The following CUL1 variants were observed in gnomAD, a reference collection of about 807,000 sequenced individuals.
CUL1 encodes the protein cullin 1.
A neutral mutation model predicts 118.0 loss-of-function variants in CUL1; 24 were observed. That is an observed-to-expected ratio of 0.20 (90% confidence interval 0.15 to 0.29). The LOEUF is 0.29. Ranked by LOEUF, CUL1 falls within the 10% of genes least tolerant of loss-of-function variation. The pLI, the probability that CUL1 is intolerant of heterozygous loss-of-function variation, is 1.00. For missense variants in CUL1, 361 were observed against 933.8 expected (o/e 0.39, Z 7.99); for synonymous variants, 332 against 340.4 (o/e 0.98, Z 0.27).
chr7:148,793,189 A>G (rs918776576), intron 17 of CUL1, among the ~76,000 whole-genome samples: 2 of 152,156 alleles, frequency 1.3e-5, no homozygotes, highest in Admixed American at 6.5e-5. Context: ...ACACACACAC[A>G]TACTCCTCAT....
At chr7:148,726,002 C>T (rs546751771) in intron 1 of CUL1, among the ~76,000 whole-genome samples, 96 of 152,286 alleles carry the variant, frequency 6.3e-4, no homozygotes, top group African/African-American at 2.1e-3. Flanking sequence ...GCTAATTTTT[C>T]AGCATATTTG....
chr7:148,758,347 C>G (rs1799726863), intron 4 of CUL1, among the ~76,000 whole-genome samples: 1 of 152,218 alleles, frequency 6.6e-6, no homozygotes, highest in South Asian at 2.1e-4. Context: ...TTTGTAGCTT[C>G]ACTTTTGACA....
At chr7:148,725,325 T>A (rs898635007) in intron 1 of CUL1, among the ~76,000 whole-genome samples, 2 of 152,024 alleles carry the variant, frequency 1.3e-5, no homozygotes, top group African/African-American at 4.8e-5. Context: ...GATACACAGG[T>A]GACACACCCA....
In CUL1 at chr7:148,776,661, A is replaced by G. The variant is rs79477176; in HGVS notation, c.1084-7122A>G. On this transcript the variant is annotated intron_variant, in intron 9 of 21. Transcript: ENST00000325222. The stretch of plus-strand genomic sequence containing the variant: ...CCAACATACACCCTTCTTTCTCTTA[A>G]TTATAGGGAAGACTTTAATCATTTC... Among the ~76,000 whole-genome samples, 334 of 152,144 alleles carry G rather than the reference A, an allele frequency of 2.2e-3. 5 individuals carry two copies. The East Asian group carries it at 0.025, about 11-fold the overall frequency.
Position 148,767,764 on chromosome 7 carries a change from A to C in CUL1, c.1083+15A>C, listed in dbSNP as rs757746243. ...CTGCTTTAAATGTAAGTGAGATTTC[A>C]TTGAAAATCAGTCAGGCTGATTATT... On this transcript the variant is annotated intron_variant, in intron 9 of 21. Transcript: ENST00000325222. 4 of 1,611,064 alleles carry C rather than the reference A, an allele frequency of 2.5e-6. No individual in the cohort carries two copies. The highest frequency in any genetic ancestry group is 3.4e-6 in the Non-Finnish European group (4 of 1,178,892).
At chr7:148,771,497 G>A (rs185804162) in intron 9 of CUL1, among the ~76,000 whole-genome samples, 2 of 152,260 alleles carry the variant, frequency 1.3e-5, no homozygotes, top group Non-Finnish European at 2.9e-5. Context: ...CCTCAGTGAC[G>A]TGAAACTGAA....
intron 2 of CUL1, among the ~76,000 whole-genome samples, chr7:148,750,926 A>G (rs1222613939): frequency 1.3e-5 from 2 of 151,564 alleles, no homozygotes; most frequent in African/African-American, 4.8e-5. Context: ...TGCTATGATC[A>G]TGTCTGTGAA....
intron 2 of CUL1, among the ~76,000 whole-genome samples, chr7:148,750,821 G>A (rs1331258298): frequency 6.6e-6 from 1 of 152,070 alleles, no homozygotes; most frequent in African/African-American, 2.4e-5. Context: ...ATTATGCTAA[G>A]TCAAGCCAAT....
chr7:148,753,605 C>T (rs1563159647), intron 2 of CUL1, among the ~76,000 whole-genome samples: 1 of 152,146 alleles, frequency 6.6e-6, no homozygotes, highest in Non-Finnish European at 1.5e-5. Context: ...ATAGACAGTG[C>T]TTATTGTTAG....
intron 17 of CUL1, 80 bp downstream of exon 17, chr7:148,792,898 G>C: frequency 1.1e-6 from 1 of 941,306 alleles, no homozygotes; most frequent in Non-Finnish European, 1.6e-6. Flanking sequence ...AGATAAGGAA[G>C]AGGATATGGG....
rs1304841415 is a variant in CUL1 at position 148,790,411 on chromosome 7, T to G, written c.1776T>G (p.Thr592=). Residue 592 remains threonine, a synonymous_variant, in exon 16 of 22, where the codon ACT becomes ACG. Coordinates refer to ENST00000325222, the MANE Select transcript of CUL1 (RefSeq NM_003592.3). ...AGTTGTCTAAAGGAGAATTGGTAAC[T>G]AACTGCTTCAAAAACAGATATACTT... ...LYQLSKGELV[T]NCFKNRYTLQ... 1 of 1,614,010 alleles carries G rather than the reference T, an allele frequency of 6.2e-7. No individual in the cohort carries two copies. The highest frequency in any genetic ancestry group is 8.5e-7 in the Non-Finnish European group (1 of 1,179,822).
At chr7:148,777,377 G>A (rs6956384) in intron 9 of CUL1, among the ~76,000 whole-genome samples, 11,883 of 152,258 alleles carry the variant, frequency 0.078, 551 homozygotes, top group African/African-American at 0.12. Flanking sequence ...AAGGTTGGAC[G>A]TGGTGGCTCA....
At chr7:148,725,721 G>T (rs1006382937) in intron 1 of CUL1, among the ~76,000 whole-genome samples, 1 of 152,198 alleles carries the variant, frequency 6.6e-6, no homozygotes, top group African/African-American at 2.4e-5. Flanking sequence ...ACATTTTCAT[G>T]ATGTGCCTAC....
chr7:148,789,943 C>A, intron 15 of CUL1, 117 bp downstream of exon 15: 2 of 940,328 alleles, frequency 2.1e-6, no homozygotes, highest in South Asian at 1.4e-5. Flanking sequence ...GGCTGCATCA[C>A]GGTGAACCAT....
At chr7:148,772,290 C>G (rs190847003) in intron 9 of CUL1, among the ~76,000 whole-genome samples, 1 of 152,280 alleles carries the variant, frequency 6.6e-6, no homozygotes, top group East Asian at 1.9e-4. Flanking sequence ...TAGCAGGCAC[C>G]TGTAATCCCA....
chr7:148,800,439 C>G lies in CUL1; in HGVS notation c.2251-63C>G. 2 of 1,353,756 alleles carry G rather than the reference C, an allele frequency of 1.5e-6. No individual in the cohort carries two copies. The highest frequency in any genetic ancestry group is 2.1e-6 in the Non-Finnish European group (2 of 947,582). 83.9% of individuals were successfully genotyped at this position (1,353,756 alleles called of 1,614,324 possible). A position where few individuals can be genotyped will look rare whatever the true frequency, so the allele number is the denominator to read the frequency against. ...GTGGTGGGGGCAGCCTCTCTCTGTT[C>G]TGATGATAATTTGTGTTTTTCTTCT... On this transcript the variant is annotated intron_variant, in intron 21 of 21. Coordinates refer to ENST00000325222, the MANE Select transcript of CUL1 (RefSeq NM_003592.3). This position sits in a 1 kb window ranked among gnomAD's most constrained non-coding sequence, Gnocchi z 4.6.
chr7:148,779,661 GGAA>G, intron 9 of CUL1, among the ~76,000 whole-genome samples: 1 of 152,310 alleles, frequency 6.6e-6, no homozygotes, highest in East Asian at 1.9e-4. Flanking sequence ...ATACAGTCAT[GGAA>G]TCGACGGGAT....
intron 2 of CUL1, among the ~76,000 whole-genome samples, chr7:148,733,694 C>G (rs1356259223): frequency 6.6e-6 from 1 of 152,174 alleles, no homozygotes; most frequent in African/African-American, 2.4e-5. Flanking sequence ...TAGTATCACT[C>G]TGCAAAATTA....
intron 4 of CUL1, among the ~76,000 whole-genome samples, chr7:148,758,240 A>C (rs1307062150): frequency 6.6e-6 from 1 of 152,228 alleles, no homozygotes; most frequent in Non-Finnish European, 1.5e-5. Flanking sequence ...TCAGATCCAC[A>C]CAGACAATGC....
Sources: allele counts gnomAD v4.1 joint callset (sites outside exome capture counted in the v4.1 genomes callset), GRCh38; gene constraint gnomAD v4.1.1; non-coding constraint Gnocchi (gnomAD v3.1); transcripts MANE v1.5; gene names NCBI Gene and HGNC (gene_info 2026-07-23, HGNC 2026-07-21).